STRADB: variants seen among roughly 807,000 people sequenced by gnomAD.
STRADB encodes STE20-related kinase adapter protein beta.
Under a neutral mutation model 52.1 loss-of-function variants are expected in STRADB, and 34 were observed. The observed-to-expected ratio is 0.65, with a 90% CI of 0.50 to 0.87. The LOEUF is 0.87. Among genes scored for constraint, STRADB ranks in the 40% least tolerant of loss-of-function variants. The probability of loss-of-function intolerance (pLI) is 0.00; values close to 1 mark genes in which losing one functional copy is unlikely to be tolerated. For synonymous variants in STRADB, 133 were observed against 174.5 expected (o/e 0.76, Z 1.87); for missense variants, 340 against 483.9 (o/e 0.70, Z 2.79).
At chr2:201,471,758 C>T (rs960597676) in intron 4 of STRADB, among the ~76,000 whole-genome samples, 1 of 152,296 alleles carries the variant, frequency 6.6e-6, no homozygotes. Flanking sequence ...TTTAAAATTA[C>T]AGCACCTATA....
chr2:201,480,486 A>G lies in STRADB; in HGVS notation c.*311A>G. 2 of 1,083,586 alleles carry G rather than the reference A, an allele frequency of 1.8e-6. No individual in the cohort carries two copies. Among genetic ancestry groups the G allele is most frequent in the Non-Finnish European group, 2.2e-6 (2 of 891,392 alleles). 67.1% of individuals were successfully genotyped at this position (1,083,586 alleles called of 1,614,324 possible). On this transcript the variant is annotated 3_prime_UTR_variant, in exon 12 of 12. Coordinates refer to ENST00000194530, the MANE Select transcript of STRADB (RefSeq NM_018571.6). ...ATTTTTGAGCCAGTTAATTTTTTTC[A>G]GTATTTTGCTGTCCCTTGGGAATGG...
At chr2:201,460,631 C>G (rs1952198986) in intron 3 of STRADB, among the ~76,000 whole-genome samples, 1 of 152,180 alleles carries the variant, frequency 6.6e-6, no homozygotes, top group Admixed American at 6.5e-5. Flanking sequence ...CTTTCTGGGC[C>G]TGCCATATTT....
Position 201,480,525 on chromosome 2 carries a change from A to G in STRADB, c.*350A>G. 1 of 1,022,304 alleles carries G rather than the reference A, an allele frequency of 9.8e-7. No individual in the cohort carries two copies. The highest frequency in any genetic ancestry group is 1.7e-5 in the African/African-American group (1 of 58,290). The allele number at this position is 1,022,304 out of a possible 1,614,324, so 63.3% of individuals were successfully genotyped here. On this transcript the variant is annotated 3_prime_UTR_variant, in exon 12 of 12. Transcript: ENST00000194530. ...CCTTGGGAATGGGCCCTCAGAGGAC[A>G]GTGCTTCCAAGTACATCTTCTCCCA...
At chr2:201,465,915 A>G (rs1349041367) in intron 3 of STRADB, among the ~76,000 whole-genome samples, 1 of 152,098 alleles carries the variant, frequency 6.6e-6, no homozygotes, top group Non-Finnish European at 1.5e-5. Context: ...AAGTCCCACA[A>G]TCACTGCACT....
In STRADB at chr2:201,458,779, T is replaced by C. The variant is rs750289087; in HGVS notation, c.13-5T>C. 2 of 1,613,392 alleles carry C rather than the reference T, an allele frequency of 1.2e-6. No individual in the cohort carries two copies. The highest frequency in any genetic ancestry group is 2.2e-5 in the East Asian group (1 of 44,842). ...TCACTTATATAATGCATTTCTGACT[T>C]CCAGGATTGCTTCTGCACTTCAAGA... On this transcript the variant is annotated splice_region_variant and splice_polypyrimidine_tract_variant and intron_variant, in intron 2 of 11. Coordinates refer to ENST00000194530, the MANE Select transcript of STRADB (RefSeq NM_018571.6).
Position 201,480,799 on chromosome 2 carries a change from C to G in STRADB, c.*624C>G, listed in dbSNP as rs1240830534. On this transcript the variant is annotated 3_prime_UTR_variant, in exon 12 of 12. Transcript: ENST00000194530. ...TTCCTACTTATGTAAATTATAGATC[C>G]TAAATTCACGCACCCCGTGGGAGCT... 1.0e-6 allele frequency: 1 copy of G among 985,514 alleles called. No homozygotes were observed. The highest frequency in any genetic ancestry group is 1.2e-6 in the Non-Finnish European group (1 of 829,900). The allele number at this position is 985,514 out of a possible 1,614,324, so 61.0% of individuals were successfully genotyped here.
intron 4 of STRADB, among the ~76,000 whole-genome samples, chr2:201,470,876 A>C (rs189374159): frequency 6.6e-6 from 1 of 152,386 alleles, no homozygotes; most frequent in East Asian, 1.9e-4. Flanking sequence ...ATATTTGAAC[A>C]GTGCTGCTAA....
chr2:201,462,712 A>G (rs1372883761), intron 3 of STRADB, among the ~76,000 whole-genome samples: 1 of 152,116 alleles, frequency 6.6e-6, no homozygotes, highest in African/African-American at 2.4e-5. Context: ...TTAAGTTTTT[A>G]TGGTTTCTAT....
chr2:201,475,648 T>C lies in STRADB; in HGVS notation c.454T>C (p.Phe152Leu). 1 of 1,612,018 alleles carries C rather than the reference T, an allele frequency of 6.2e-7. No homozygotes were observed. Among genetic ancestry groups the C allele is most frequent in the Non-Finnish European group, 8.5e-7 (1 of 1,179,878 alleles). The change falls in exon 7 of 12, where the codon TTT becomes CTT. Residue 152 changes from phenylalanine (F) to leucine (L), a missense_variant. Phe to Leu is a conservative substitution (Grantham distance 22). Transcript: ENST00000194530. ...AGCAAGTCAACTCTTGAGGACCTAT[T>C]TTCCTGAAGGAATGAGTGAAACTTT... ...GSASQLLRTY[F>L]PEGMSETLIR... is the part of the protein sequence containing the mutation.
At chr2:201,461,004 T>A (rs1952207375) in intron 3 of STRADB, among the ~76,000 whole-genome samples, 1 of 151,822 alleles carries the variant, frequency 6.6e-6, no homozygotes, top group South Asian at 2.1e-4. Context: ...ATATGAGGAT[T>A]CTCTTTTCTC....
chr2:201,459,892 A>G (rs1199648227), intron 3 of STRADB, among the ~76,000 whole-genome samples: 1 of 152,046 alleles, frequency 6.6e-6, no homozygotes, highest in Non-Finnish European at 1.5e-5. Context: ...TTCCTCATCC[A>G]TAAAGAATTG....
At chr2:201,476,158 T>G (rs748954077) in intron 7 of STRADB, among the ~76,000 whole-genome samples, 2 of 152,244 alleles carry the variant, frequency 1.3e-5, no homozygotes, top group African/African-American at 2.4e-5. Context: ...CTTTGATTTC[T>G]TATTTTGCAG....
intron 3 of STRADB, among the ~76,000 whole-genome samples, chr2:201,459,307 G>T (rs140971667): frequency 6.6e-6 from 1 of 152,162 alleles, no homozygotes; most frequent in African/African-American, 2.4e-5. Context: ...ATTTTTACCT[G>T]CAACCCCAGA....
intron 3 of STRADB, among the ~76,000 whole-genome samples, chr2:201,464,586 A>G (rs1952269228): frequency 6.6e-6 from 1 of 152,092 alleles, no homozygotes; most frequent in Non-Finnish European, 1.5e-5. Context: ...TGCAGCCACC[A>G]CTGCCCAGCT....
chr2:201,454,966 G>T (rs752759538), intron 2 of STRADB, 114 bp downstream of exon 2: 6 of 909,678 alleles, frequency 6.6e-6, no homozygotes, highest in African/African-American at 1.7e-5. Flanking sequence ...CTGAGATATT[G>T]TTTTGACCTG....
At chr2:201,463,580 A>C (rs890957106) in intron 3 of STRADB, among the ~76,000 whole-genome samples, 1 of 152,046 alleles carries the variant, frequency 6.6e-6, no homozygotes, top group Non-Finnish European at 1.5e-5. Context: ...CTGGATATTG[A>C]TATCTTGGAT....
intron 7 of STRADB, 131 bp downstream of exon 7, chr2:201,475,873 A>C: frequency 4.1e-5 from 39 of 946,384 alleles, no homozygotes; most frequent in Non-Finnish European, 5.5e-5. Flanking sequence ...TTGAGGGAGG[A>C]AGGGACCATT....
At chr2:201,453,888 C>T (rs1359998800) in intron 1 of STRADB, among the ~76,000 whole-genome samples, 2 of 152,202 alleles carry the variant, frequency 1.3e-5, no homozygotes, top group Non-Finnish European at 2.9e-5. Flanking sequence ...GTCCGTCTTC[C>T]TCCCAATCTC....
chr2:201,477,213 T>C (rs987418472), intron 7 of STRADB, among the ~76,000 whole-genome samples: 4 of 151,074 alleles, frequency 2.6e-5, no homozygotes, highest in Admixed American at 2.6e-4. Context: ...TACAGGCACC[T>C]GCCACCACGC....
Sources: gnomAD v4.1 joint callset for allele counts (sites outside exome capture counted in the v4.1 genomes callset) on GRCh38, gnomAD v4.1.1 for gene constraint, MANE v1.5 for transcripts, NCBI Gene and HGNC (gene_info 2026-07-23, HGNC 2026-07-21) for gene names.